ETF1: variants seen among roughly 807,000 people sequenced by gnomAD.
ETF1 encodes eukaryotic peptide chain release factor subunit 1.
In ETF1, 4 loss-of-function variants were observed where a neutral mutation model predicts 55.1. That is an observed-to-expected ratio of 0.07 (90% CI 0.04 to 0.17). ETF1 has a LOEUF of 0.17. Ranked by LOEUF, ETF1 falls within the 10% of genes least tolerant of loss-of-function variation. The pLI is 1.00. For missense variants in ETF1, 142 were observed against 523.6 expected, an observed-to-expected ratio of 0.27 and a Z score of 7.11; for synonymous variants, 157 against 182.3, an observed-to-expected ratio of 0.86 and a Z score of 1.12.
rs747229997 is a variant in ETF1, at chr5:138,517,695, G to T, written c.268C>A (p.Pro90Thr). 6.0e-6 allele frequency: 9 copies of T among 1,488,262 alleles called. No homozygotes were observed. The highest frequency in any genetic ancestry group is 8.2e-6 in the Non-Finnish European group (9 of 1,103,280). 92.2% of individuals were successfully genotyped at this position (1,488,262 alleles called of 1,614,324 possible). ...CCACAGTATACAACCAGACCATTTG[G>T]AGGTACTGCAAAGAACACAAACAAT... ...QRLKLYNKVP[P>T]NGLVVYCGTI... is the part of the protein sequence containing the mutation. Residue 90 changes from proline (P) to threonine (T), a missense_variant, in exon 4 of 11, where the codon CCA becomes ACA. Pro to Thr is a conservative substitution (Grantham distance 38). Around this residue, in one of 5 missense-constraint regions of ETF1, gnomAD observed 14 missense variants for 22.3 expected, o/e 0.63. Transcript: ENST00000360541.
At chr5:138,524,835 C>G (rs1765399301) in intron 2 of ETF1, among the ~76,000 whole-genome samples, 1 of 151,996 alleles carries the variant, frequency 6.6e-6, no homozygotes, top group South Asian at 2.1e-4. Context: ...CTTGGCCTCC[C>G]AAAGTGCTGG....
chr5:138,522,117 T>C (rs1382392776), intron 2 of ETF1, among the ~76,000 whole-genome samples: 2 of 152,148 alleles, frequency 1.3e-5, no homozygotes, highest in Non-Finnish European at 2.9e-5. Flanking sequence ...TTTTTTGGTT[T>C]TTTTTACTTC....
At chr5:138,517,367 T>C (rs1338332039) in intron 4 of ETF1, among the ~76,000 whole-genome samples, 194 bp downstream of exon 4, 1 of 150,272 alleles carries the variant, frequency 6.7e-6, no homozygotes, top group East Asian at 1.9e-4. Flanking sequence ...CGAGACTCCG[T>C]CTAAAAAAAA....
chr5:138,534,057 C>T (rs937143281), intron 2 of ETF1, among the ~76,000 whole-genome samples: 1 of 152,146 alleles, frequency 6.6e-6, no homozygotes, highest in African/African-American at 2.4e-5. Flanking sequence ...ATGCAATTGA[C>T]CTTAGAGTCA....
intron 5 of ETF1, chr5:138,513,226 C>T: frequency 1.0e-6 from 1 of 984,488 alleles, no homozygotes; most frequent in Non-Finnish European, 1.2e-6. Context: ...TCACATCATA[C>T]TGTTTTCTCT....
At chr5:138,519,606 T>C (rs1366290248) in intron 2 of ETF1, among the ~76,000 whole-genome samples, 4 of 150,344 alleles carry the variant, frequency 2.7e-5, no homozygotes, top group Non-Finnish European at 5.9e-5. Context: ...GAGGTTGCAG[T>C]GAGCCGAGAT....
At chr5:138,526,234 TAC>T (rs932477905) in intron 2 of ETF1, among the ~76,000 whole-genome samples, 2 of 152,154 alleles carry the variant, frequency 1.3e-5, no homozygotes, top group African/African-American at 2.4e-5. Context: ...GAAAGCTGGT[TAC>T]AGAGTCAAAT....
intron 4 of ETF1, among the ~76,000 whole-genome samples, chr5:138,515,962 C>T (rs1039281389): frequency 6.6e-5 from 10 of 152,200 alleles, no homozygotes; most frequent in Non-Finnish European, 1.3e-4. Flanking sequence ...AATGTCAGTT[C>T]TAATTCCACT....
At chr5:138,511,768 T>C (rs1764794917) in intron 6 of ETF1, 164 bp from the exon 7 acceptor site, 1 of 984,164 alleles carries the variant, frequency 1.0e-6, no homozygotes, top group Admixed American at 6.2e-5. Context: ...CAAAAGCTGC[T>C]CTTAAAGTGA....
rs1330106234 is a variant in ETF1, at chr5:138,511,609, C to A, written c.733-5G>T. On this transcript the variant is annotated splice_polypyrimidine_tract_variant and splice_region_variant and intron_variant, in intron 6 of 10. Transcript: ENST00000360541. ...TAAAACTTTTGATTGTAACCTCTAACACACAAAAAAAATATTATTAGTACT... is the reference window on the plus strand; with the variant it reads ...TAAAACTTTTGATTGTAACCTCTAAAACACAAAAAAAATATTATTAGTACT... The A allele has an allele frequency of 1.9e-6, 3 of 1,595,130 alleles. No individual in the cohort carries two copies. The highest frequency in any genetic ancestry group is 1.8e-5 in the Admixed American group (1 of 56,460).
chr5:138,507,521 T>C lies in ETF1; in HGVS notation c.*784A>G, dbSNP rs1764600665. On this transcript the variant is annotated 3_prime_UTR_variant, in exon 11 of 11. Transcript: ENST00000360541. Reference sequence around the variant, plus strand: ...CCATCATATCCATCCCAAACCGGTTTCGAGTAGGTTAAGGTTATAGGGACC... The same window carrying C: ...CCATCATATCCATCCCAAACCGGTTCCGAGTAGGTTAAGGTTATAGGGACC... 1 of 152,522 alleles carries C rather than the reference T, an allele frequency of 6.6e-6. No homozygotes were observed. Among genetic ancestry groups the C allele is most frequent in the Non-Finnish European group, 1.5e-5 (1 of 68,024 alleles). 9.4% of individuals were successfully genotyped at this position (152,522 alleles called of 1,614,324 possible).
chr5:138,528,203 G>A (rs1580707406), intron 2 of ETF1, among the ~76,000 whole-genome samples: 1 of 152,218 alleles, frequency 6.6e-6, no homozygotes, highest in African/African-American at 2.4e-5. Context: ...TCTCAGAGCT[G>A]AGGAAGAACA....
At chr5:138,537,009 G>A (rs1053735293) in intron 2 of ETF1, among the ~76,000 whole-genome samples, 1 of 152,172 alleles carries the variant, frequency 6.6e-6, no homozygotes, top group Non-Finnish European at 1.5e-5. Flanking sequence ...AAGTATATCT[G>A]CTATTACAAT....
intron 1 of ETF1, 44 bp downstream of exon 1, chr5:138,543,053 A>C: frequency 2.3e-6 from 2 of 873,216 alleles, no homozygotes; most frequent in Non-Finnish European, 3.5e-6. Context: ...CGTCCGGTGC[A>C]GCTCGCCACA....
At chr5:138,511,395 C>A in intron 7 of ETF1, 80 bp downstream of exon 7, 1 of 960,396 alleles carries the variant, frequency 1.0e-6, no homozygotes. Flanking sequence ...TACATACACA[C>A]ACACACATAC....
chr5:138,515,585 A>G (rs982653584), intron 4 of ETF1, among the ~76,000 whole-genome samples: 1 of 152,250 alleles, frequency 6.6e-6, no homozygotes, highest in Non-Finnish European at 1.5e-5. Flanking sequence ...TTACCCTGAT[A>G]AACAGGATAT....
chr5:138,510,402 C>T (rs1362311747), intron 9 of ETF1, among the ~76,000 whole-genome samples, 163 bp downstream of exon 9: 2 of 139,288 alleles, frequency 1.4e-5, no homozygotes, highest in African/African-American at 5.5e-5. Flanking sequence ...GCAGCTCCTT[C>T]CCTGAAATCA....
intron 2 of ETF1, among the ~76,000 whole-genome samples, chr5:138,530,479 T>C (rs1284159197): frequency 6.6e-6 from 1 of 151,796 alleles, no homozygotes; most frequent in East Asian, 1.9e-4. Context: ...GGTTTTGCCA[T>C]GTTGGCCAGG....
chr5:138,522,068 TA>T (rs1288872306), intron 2 of ETF1, among the ~76,000 whole-genome samples: 1 of 152,202 alleles, frequency 6.6e-6, no homozygotes, highest in African/African-American at 2.4e-5. Flanking sequence ...TAAAAACTTT[TA>T]GGCTGCTCTA....
Sources: allele counts gnomAD v4.1 joint callset (sites outside exome capture counted in the v4.1 genomes callset), GRCh38; gene constraint gnomAD v4.1.1; regional missense constraint gnomAD v4.1.1; transcripts MANE v1.5; gene names NCBI Gene and HGNC (gene_info 2026-07-23, HGNC 2026-07-21).